DNAAF11: variants seen among roughly 807,000 people sequenced by gnomAD.
DNAAF11 encodes the protein leucine rich repeat containing 6.
DNAAF11 carries 45 observed loss-of-function variants against 60.8 expected under a neutral mutation model. The ratio of observed to expected loss-of-function variants is 0.74; its 90% CI spans 0.58 to 0.95. DNAAF11 has a LOEUF of 0.95. DNAAF11 is among the 40% of genes least tolerant of loss of function. The probability of loss-of-function intolerance (pLI) is 0.00; values close to 1 mark genes in which losing one functional copy is unlikely to be tolerated. For missense variants in DNAAF11, 546 were observed against 546.2 expected (o/e 1.00, Z 0.00); for synonymous variants, 191 against 183.5 (o/e 1.04, Z -0.33).
chr8:132,665,240 C>A (rs538558885), intron 1 of DNAAF11, among the ~76,000 whole-genome samples: 2 of 152,092 alleles, frequency 1.3e-5, no homozygotes, highest in Admixed American at 1.3e-4. Context: ...AAAACCAGAG[C>A]CCCCGAGAAG....
At chr8:132,602,015 G>C (rs994344004) in intron 10 of DNAAF11, among the ~76,000 whole-genome samples, 5 of 151,900 alleles carry the variant, frequency 3.3e-5, no homozygotes, top group Admixed American at 2.0e-4. Flanking sequence ...TATTCTATGT[G>C]TTCTTACTGT....
chr8:132,651,825 T>C (rs1401934488), intron 3 of DNAAF11, among the ~76,000 whole-genome samples: 1 of 152,164 alleles, frequency 6.6e-6, no homozygotes, highest in Admixed American at 6.5e-5. Context: ...ATTATTCCAT[T>C]TGTTCACAGG....
chr8:132,586,782 G>A (rs1227856526), intron 10 of DNAAF11, among the ~76,000 whole-genome samples: 1 of 152,182 alleles, frequency 6.6e-6, no homozygotes, highest in Non-Finnish European at 1.5e-5. Context: ...GACCTTTGTT[G>A]GTCCTGCATC....
the DNAAF11 span, among the ~76,000 whole-genome samples, chr8:132,685,644 C>A: frequency 6.6e-6 from 1 of 152,176 alleles, no homozygotes; most frequent in African/African-American, 2.4e-5. Flanking sequence ...AGAGAGAGGT[C>A]TTAGCCAGAA....
At chr8:132,597,081 C>G (rs993043715) in intron 10 of DNAAF11, among the ~76,000 whole-genome samples, 2 of 152,206 alleles carry the variant, frequency 1.3e-5, no homozygotes, top group Non-Finnish European at 2.9e-5. Flanking sequence ...GCTATGAAAC[C>G]AAGTCACAGA....
chr8:132,619,183 T>C (rs1057426843), intron 7 of DNAAF11, among the ~76,000 whole-genome samples: 2 of 151,254 alleles, frequency 1.3e-5, no homozygotes, highest in African/African-American at 4.9e-5. Context: ...TCATTCTCAG[T>C]AAACTATCGC....
intron 1 of DNAAF11, among the ~76,000 whole-genome samples, chr8:132,667,017 G>A (rs993017260): frequency 1.3e-5 from 2 of 152,152 alleles, no homozygotes; most frequent in African/African-American, 4.8e-5. Context: ...TAAATTATGC[G>A]GCATTCATTA....
intron 11 of DNAAF11, among the ~76,000 whole-genome samples, chr8:132,576,989 G>A (rs1018778878): frequency 1.3e-5 from 2 of 152,134 alleles, no homozygotes; most frequent in African/African-American, 2.4e-5. Context: ...AACTTTTTAA[G>A]CCTTTTTATT....
chr8:132,687,201 A>G, the DNAAF11 span, among the ~76,000 whole-genome samples: 1 of 152,240 alleles, frequency 6.6e-6, no homozygotes, highest in African/African-American at 2.4e-5. Flanking sequence ...ATATACTGAC[A>G]ATATATTTAG....
the DNAAF11 span, among the ~76,000 whole-genome samples, chr8:132,698,944 A>ATTTTGTGTGTGTG: frequency 0.3 from 42,573 of 141,860 alleles, 6,833 homozygotes; most frequent in East Asian, 0.36. Flanking sequence ...ATACATATAT[A>ATTTTGTGTGTGTG]TATATATATA....
intron 1 of DNAAF11, among the ~76,000 whole-genome samples, chr8:132,663,902 T>A (rs1215758198): frequency 1.3e-5 from 2 of 152,156 alleles, no homozygotes; most frequent in Non-Finnish European, 2.9e-5. Flanking sequence ...CATGGATGTA[T>A]AGGCTGGAGT....
intron 10 of DNAAF11, chr8:132,608,533 T>C (rs747359906): frequency 1.7e-4 from 73 of 439,940 alleles, no homozygotes; most frequent in Middle Eastern, 1.3e-3. Context: ...GTAGAGCTTT[T>C]CTCATCAATT....
intron 10 of DNAAF11, 59 bp from the exon 11 acceptor site, chr8:132,583,838 A>AT (rs1166385807): frequency 1.9e-6 from 2 of 1,076,008 alleles, no homozygotes; most frequent in African/African-American, 3.1e-5. Flanking sequence ...TACCTTAAAA[A>AT]ATATACATAT....
chr8:132,679,339 GC>G (rs1471065016), upstream of DNAAF11, among the ~76,000 whole-genome samples: 17 of 152,176 alleles, frequency 1.1e-4, no homozygotes, highest in Non-Finnish European at 2.9e-5. Context: ...GAGTCAGTGA[GC>G]CAATTTCTTC....
At chr8:132,621,596 G>A (rs753395489) in intron 7 of DNAAF11, among the ~76,000 whole-genome samples, 1 of 152,158 alleles carries the variant, frequency 6.6e-6, no homozygotes, top group Non-Finnish European at 1.5e-5. Flanking sequence ...GCTAAATAGA[G>A]ACCGCCTAAA....
intron 4 of DNAAF11, among the ~76,000 whole-genome samples, chr8:132,634,323 A>G (rs887112564): frequency 2.0e-5 from 3 of 152,204 alleles, no homozygotes; most frequent in Non-Finnish European, 4.4e-5. Flanking sequence ...ATGCAGCTCT[A>G]AAACACATTT....
At chr8:132,646,361 G>A (rs995753630) in intron 3 of DNAAF11, among the ~76,000 whole-genome samples, 3 of 152,080 alleles carry the variant, frequency 2.0e-5, no homozygotes, top group Admixed American at 6.6e-5. Context: ...AGGAACAACC[G>A]GTACCAGCCA....
At chr8:132,601,953 C>T (rs1817668863) in intron 10 of DNAAF11, among the ~76,000 whole-genome samples, 2 of 151,714 alleles carry the variant, frequency 1.3e-5, no homozygotes. Context: ...CTGCTAAATT[C>T]TTCCTTTATT....
intron 1 of DNAAF11, among the ~76,000 whole-genome samples, chr8:132,670,307 G>C (rs1037360003): frequency 2.6e-5 from 4 of 152,120 alleles, no homozygotes; most frequent in African/African-American, 9.7e-5. Flanking sequence ...TTAGGAGTGA[G>C]AGAGGTAACA....
Sources: gnomAD v4.1 joint callset for allele counts (sites outside exome capture counted in the v4.1 genomes callset) on GRCh38, gnomAD v4.1.1 for gene constraint, MANE v1.5 for transcripts, NCBI Gene and HGNC (gene_info 2026-07-23, HGNC 2026-07-21) for gene names.